The following DISC1 variants were observed in gnomAD, a reference collection of about 807,000 sequenced individuals.
DISC1 encodes DISC1 scaffold protein, also known as disrupted in schizophrenia 1 protein.
A neutral mutation model predicts 84.5 loss-of-function variants in DISC1; 57 were observed. The observed-to-expected ratio is 0.67, with a 90% confidence interval of 0.55 to 0.84. The LOEUF (loss-of-function observed/expected upper bound fraction) is 0.84. Ranked by LOEUF, DISC1 falls within the 40% of genes least tolerant of loss-of-function variation. DISC1 has a pLI of 0.00. For synonymous variants in DISC1, 411 were observed against 415.2 expected (o/e 0.99, Z 0.12); for missense variants, 1,000 against 1,057.8 (o/e 0.95, Z 0.76).
At chr1:231,956,454 G>A (rs1210570164) in intron 9 of DISC1, among the ~76,000 whole-genome samples, 1 of 152,012 alleles carries the variant, frequency 6.6e-6, no homozygotes, top group East Asian at 1.9e-4. Context: ...TTTCCTGGAC[G>A]ATTGCACTAA....
chr1:232,001,788 A>G (rs1238731943), intron 10 of DISC1, among the ~76,000 whole-genome samples: 3 of 151,406 alleles, frequency 2.0e-5, no homozygotes, highest in African/African-American at 4.9e-5. Context: ...AACTTTTAGG[A>G]AAAAAAAAGG....
rs1452825624 is a variant in DISC1, at chr1:231,719,651, A to G, written c.1117+17627A>G. On this transcript the variant is annotated intron_variant, in intron 3 of 12. Transcript: ENST00000439617. ...GTATCATTCAGAATGAATGTTTGTTAAATTATACTCACTGGTAAAATATTT... is the reference window on the plus strand; with the variant it reads ...GTATCATTCAGAATGAATGTTTGTTGAATTATACTCACTGGTAAAATATTT... Among the ~76,000 whole-genome samples the G allele has an allele frequency of 8.5e-5, 13 of 152,354 alleles. No individual in the cohort carries two copies. The East Asian group carries it at 2.5e-3, about 29-fold the overall frequency.
At chr1:231,933,549 G>T (rs2090796236) in intron 9 of DISC1, among the ~76,000 whole-genome samples, 1 of 152,082 alleles carries the variant, frequency 6.6e-6, no homozygotes, top group Non-Finnish European at 1.5e-5. Context: ...TGTGAGTAAA[G>T]CATCTGCCAT....
rs933579685 is a variant in DISC1, at chr1:231,897,577, G to A, written c.1982-61251G>A. Among the ~76,000 whole-genome samples, 4 of 151,594 alleles carry A rather than the reference G, an allele frequency of 2.6e-5. No individual in the cohort carries two copies. The highest frequency in any genetic ancestry group is 7.3e-5 in the African/African-American group (3 of 41,214). ...ATTTGTGGCATCTGAAAAACTTTGC[G>A]GCAGCATTTTACAGCCATTTATTGT... On this transcript the variant is annotated intron_variant, in intron 9 of 12. Coordinates refer to ENST00000439617, the MANE Select transcript of DISC1 (RefSeq NM_018662.3). This position sits in a 1 kb window ranked among gnomAD's most constrained non-coding sequence, Gnocchi z 4.5.
chr1:231,873,004 C>T (rs1024171838), intron 9 of DISC1, among the ~76,000 whole-genome samples: 2 of 152,156 alleles, frequency 1.3e-5, no homozygotes, highest in Admixed American at 6.5e-5. Flanking sequence ...TCCAGGCATC[C>T]GTCAGGAGTT....
chr1:231,701,098 T>C (rs968091515), intron 2 of DISC1, among the ~76,000 whole-genome samples: 3 of 152,198 alleles, frequency 2.0e-5, no homozygotes, highest in Non-Finnish European at 2.9e-5. Context: ...CAGTTCTACA[T>C]GGCTGGGGAA....
At chr1:231,830,891 G>A (rs924793924) in intron 9 of DISC1, among the ~76,000 whole-genome samples, 40 of 152,172 alleles carry the variant, frequency 2.6e-4, no homozygotes, top group African/African-American at 9.7e-4. Flanking sequence ...TCCTGAAGAC[G>A]GAGGACCGTA....
At chr1:231,948,766 A>T (rs1455213845) in intron 9 of DISC1, among the ~76,000 whole-genome samples, 1 of 151,836 alleles carries the variant, frequency 6.6e-6, no homozygotes, top group Admixed American at 6.6e-5. Context: ...AGGGTTCTCT[A>T]TCATGATGCC....
At chr1:231,967,945 C>T (rs1661339352) in intron 10 of DISC1, among the ~76,000 whole-genome samples, 1 of 152,100 alleles carries the variant, frequency 6.6e-6, no homozygotes, top group Admixed American at 6.5e-5. Flanking sequence ...ATTAGTAACA[C>T]TTTGATGGGG....
At chr1:231,811,723 C>A (rs1558587863) in intron 8 of DISC1, among the ~76,000 whole-genome samples, 1 of 152,180 alleles carries the variant, frequency 6.6e-6, no homozygotes, top group Non-Finnish European at 1.5e-5. Flanking sequence ...TCACCATGTG[C>A]TTTCTCACTT....
intron 1 of DISC1, among the ~76,000 whole-genome samples, chr1:231,664,677 CCAGAACTG>C (rs2061860668): frequency 6.6e-6 from 1 of 152,130 alleles, no homozygotes; most frequent in African/African-American, 2.4e-5. Context: ...ACTTTGACCT[CCAGAACTG>C]TAAAATAATA....
chr1:231,866,434 A>T (rs1402820813), intron 9 of DISC1: 2 of 717,764 alleles, frequency 2.8e-6, no homozygotes, highest in East Asian at 2.5e-5. Context: ...AAAAAATAAC[A>T]TCAATGATAA....
At chr1:231,991,545 G>A (rs1665200180) in intron 10 of DISC1, among the ~76,000 whole-genome samples, 2 of 152,134 alleles carry the variant, frequency 1.3e-5, no homozygotes, top group South Asian at 4.1e-4. Flanking sequence ...TCTCCCTGAC[G>A]TTGAGCTTGC....
intron 9 of DISC1, among the ~76,000 whole-genome samples, chr1:231,932,790 G>A (rs940282481): frequency 2.6e-5 from 4 of 152,120 alleles, no homozygotes; most frequent in South Asian, 2.1e-4. Context: ...ATTGAATAAT[G>A]TATCCTGTAG....
chr1:231,974,254 C>A (rs1662468131), intron 10 of DISC1, among the ~76,000 whole-genome samples: 1 of 152,128 alleles, frequency 6.6e-6, no homozygotes. Context: ...TTTAGCTCAG[C>A]ATCACCTCAG....
Position 231,882,948 on chromosome 1 carries a change from A to G in DISC1, c.1981+64431A>G, listed in dbSNP as rs138746168. Among the ~76,000 whole-genome samples the G allele has an allele frequency of 2.6e-5, 4 of 151,740 alleles. No homozygotes were observed. In the East Asian group the frequency reaches 7.9e-4, roughly 30 times the overall value. On this transcript the variant is annotated intron_variant, in intron 9 of 12. Coordinates refer to ENST00000439617, the MANE Select transcript of DISC1 (RefSeq NM_018662.3). ...TATCAGATATGTAGGAGAAGAAGGA[A>G]TGGGTGGGGGTTGGAGAGAACACAA...
chr1:232,022,320 T>G (rs1669035371), intron 11 of DISC1, among the ~76,000 whole-genome samples: 1 of 151,560 alleles, frequency 6.6e-6, no homozygotes, highest in Non-Finnish European at 1.5e-5. Context: ...TCTTTTTTTT[T>G]TTTTTTTGAG....
intron 6 of DISC1, among the ~76,000 whole-genome samples, chr1:231,772,982 C>T (rs1019509038): frequency 1.3e-5 from 2 of 152,178 alleles, no homozygotes; most frequent in African/African-American, 4.8e-5. Context: ...CTCCCACCTG[C>T]ACTTTCAGAA....
At chr1:231,941,583 C>T (rs530184283) in intron 9 of DISC1, among the ~76,000 whole-genome samples, 25 of 152,004 alleles carry the variant, frequency 1.6e-4, no homozygotes, top group African/African-American at 5.8e-4. Context: ...AGCGATTCTC[C>T]TGCCTCAGCC....
Sources: gnomAD v4.1 joint callset for allele counts (sites outside exome capture counted in the v4.1 genomes callset) on GRCh38, gnomAD v4.1.1 for gene constraint, Gnocchi (gnomAD v3.1) non-coding constraint, MANE v1.5 for transcripts, NCBI Gene and HGNC (gene_info 2026-07-23, HGNC 2026-07-21) for gene names.